Variants in DPP6 observed in about 807,000 individuals in gnomAD.
DPP6 encodes A-type potassium channel modulatory protein DPP6.
In DPP6, 69 loss-of-function variants were observed where a neutral mutation model predicts 122.6. The ratio of observed to expected loss-of-function variants is 0.56; its 90% CI spans 0.46 to 0.69. DPP6 has a LOEUF of 0.69. Among genes scored for constraint, DPP6 ranks in the 30% least tolerant of loss-of-function variants. The pLI, the probability that DPP6 is intolerant of heterozygous loss-of-function variation, is 0.00. For missense variants in DPP6, 928 were observed against 1,116.9 expected (o/e 0.83, Z 2.41); for synonymous variants, 418 against 433.1 (o/e 0.97, Z 0.43).
intron 1 of DPP6, among the ~76,000 whole-genome samples, chr7:154,041,738 C>T (rs1475381294): frequency 6.6e-6 from 1 of 151,576 alleles, no homozygotes; most frequent in Non-Finnish European, 1.5e-5. Flanking sequence ...CTGGCCCCTT[C>T]TTCTCATGTT....
chr7:154,888,011 C>T (rs1413286754), intron 23 of DPP6, among the ~76,000 whole-genome samples: 5 of 151,734 alleles, frequency 3.3e-5, no homozygotes, highest in African/African-American at 9.7e-5. Context: ...TCAGTCCCAG[C>T]GTCCATGGAT....
the DPP6 span, among the ~76,000 whole-genome samples, chr7:153,798,885 T>C: frequency 6.6e-6 from 1 of 152,182 alleles, no homozygotes; most frequent in East Asian, 1.9e-4. Context: ...TCATAAGGAG[T>C]GCACAGACTA....
intron 3 of DPP6, among the ~76,000 whole-genome samples, chr7:154,528,611 T>C (rs1485087042): frequency 7.2e-5 from 11 of 152,198 alleles, no homozygotes; most frequent in South Asian, 2.1e-4. Flanking sequence ...GTATTAGAGA[T>C]AGAAAATCAG....
chr7:153,836,704 G>C, the DPP6 span, among the ~76,000 whole-genome samples: 1 of 152,146 alleles, frequency 6.6e-6, no homozygotes, highest in African/African-American at 2.4e-5. Flanking sequence ...ATCCCTACCA[G>C]AATGAAGCTT....
the DPP6 span, among the ~76,000 whole-genome samples, chr7:153,853,489 A>G: frequency 2.0e-5 from 3 of 152,232 alleles, no homozygotes; most frequent in Non-Finnish European, 4.4e-5. Flanking sequence ...ATTGTTGTCA[A>G]CCAGAATTTT....
the DPP6 span, among the ~76,000 whole-genome samples, chr7:153,859,143 A>G: frequency 1.3e-5 from 2 of 152,146 alleles, no homozygotes; most frequent in African/African-American, 2.4e-5. Context: ...CTGTGCAATA[A>G]GGGTGTTGGG....
chr7:154,805,913 G>C lies in DPP6; in HGVS notation c.1547+949G>C, dbSNP rs973033246. ...GGGCCGCTGAAGAGGATGTTGTTCA[G>C]GGGAGACCTGAGGCTTGAGGCCAGT... On this transcript the variant is annotated intron_variant, in intron 15 of 25. Transcript: ENST00000377770. Among the ~76,000 whole-genome samples, 14 of 152,346 alleles carry C rather than the reference G, an allele frequency of 9.2e-5. No individual in the cohort carries two copies. The East Asian group carries it at 2.7e-3, about 29-fold the overall frequency.
chr7:154,545,940 C>T (rs1829150268), intron 4 of DPP6, among the ~76,000 whole-genome samples: 1 of 152,080 alleles, frequency 6.6e-6, no homozygotes, highest in Non-Finnish European at 1.5e-5. Flanking sequence ...TTCATTGTAT[C>T]ACTTAAATTC....
intron 1 of DPP6, among the ~76,000 whole-genome samples, chr7:154,062,806 G>A (rs1334717756): frequency 1.7e-5 from 2 of 117,520 alleles, no homozygotes; most frequent in South Asian, 3.4e-4. Context: ...GACCCCCATC[G>A]CAGAGGGGGG....
At chr7:154,192,145 C>T (rs553614565) in intron 1 of DPP6, among the ~76,000 whole-genome samples, 1 of 152,300 alleles carries the variant, frequency 6.6e-6, no homozygotes, top group African/African-American at 2.4e-5. Flanking sequence ...TTCAAGATGC[C>T]TTGTCTTGGC....
chr7:154,465,618 A>C (rs1821715010), intron 2 of DPP6, among the ~76,000 whole-genome samples: 1 of 152,282 alleles, frequency 6.6e-6, no homozygotes, highest in Non-Finnish European at 1.5e-5. Context: ...GTTCATCATC[A>C]CAGGTCATTA....
At chr7:153,886,282 C>G (rs143955822), upstream of DPP6, among the ~76,000 whole-genome samples, 25 of 152,148 alleles carry the variant, frequency 1.6e-4, no homozygotes, top group Non-Finnish European at 3.5e-4. Flanking sequence ...GAGCCAACCG[C>G]GTTTGTGAAT....
At chr7:154,000,733 G>A (rs1797650838) in intron 1 of DPP6, among the ~76,000 whole-genome samples, 1 of 152,034 alleles carries the variant, frequency 6.6e-6, no homozygotes, top group African/African-American at 2.4e-5. Context: ...ATGGGTGCCA[G>A]CTGCTCTTCT....
Position 154,312,619 on chromosome 7 carries a change from T to C in DPP6, c.244-133595T>C, listed in dbSNP as rs77235244. Among the ~76,000 whole-genome samples the C allele has an allele frequency of 6.9e-3, 1,052 of 152,232 alleles. 15 individuals carry two copies. The highest frequency in any genetic ancestry group is 0.06 in the East Asian group (312 of 5,160). On this transcript the variant is annotated intron_variant, in intron 1 of 25. Coordinates refer to ENST00000377770, the MANE Select transcript of DPP6 (RefSeq NM_130797.4). Reference sequence around the variant, plus strand: ...ATATCTGTATGTGCGCCCATGTATGTGTGGGCAGAGGGGGCGATGGGAGAC... The same window carrying C: ...ATATCTGTATGTGCGCCCATGTATGCGTGGGCAGAGGGGGCGATGGGAGAC...
chr7:154,235,661 T>G (rs560043044), intron 1 of DPP6, among the ~76,000 whole-genome samples: 1 of 152,264 alleles, frequency 6.6e-6, no homozygotes, highest in South Asian at 2.1e-4. Context: ...TTTGCCCAGT[T>G]TGCTGTTCCA....
At chr7:154,883,313 T>A (rs1805591687) in intron 21 of DPP6, among the ~76,000 whole-genome samples, 1 of 133,732 alleles carries the variant, frequency 7.5e-6, no homozygotes, top group Non-Finnish European at 1.6e-5. Context: ...CCCATACACC[T>A]GCTCACACAT....
chr7:154,447,677 A>G (rs1171032561), intron 2 of DPP6, among the ~76,000 whole-genome samples: 6 of 152,184 alleles, frequency 3.9e-5, no homozygotes, highest in Non-Finnish European at 8.8e-5. Context: ...ACTCTTCAAC[A>G]AAATAGTAGC....
intron 1 of DPP6, among the ~76,000 whole-genome samples, chr7:154,045,202 A>T (rs797017724): frequency 0.059 from 97 of 1,632 alleles, no homozygotes; most frequent in East Asian, 0.5. Flanking sequence ...TAGAAAAGAT[A>T]AAAAAAAAAA....
chr7:154,423,691 C>T (rs1817667635), intron 1 of DPP6, among the ~76,000 whole-genome samples: 1 of 152,174 alleles, frequency 6.6e-6, no homozygotes, highest in South Asian at 2.1e-4. Flanking sequence ...AAGGAATAAG[C>T]AAACTATGTT....
Sources: gnomAD v4.1 joint callset for allele counts (sites outside exome capture counted in the v4.1 genomes callset) on GRCh38, gnomAD v4.1.1 for gene constraint, MANE v1.5 for transcripts, NCBI Gene and HGNC (gene_info 2026-07-23, HGNC 2026-07-21) for gene names.